Variants in MAEA observed in about 807,000 individuals in gnomAD.
MAEA encodes macrophage erythroblast attacher, E3 ubiquitin ligase, also known as E3 ubiquitin-protein transferase MAEA.
MAEA carries 22 observed loss-of-function variants against 46.2 expected under a neutral mutation model. The ratio of observed to expected loss-of-function variants is 0.48; its 90% CI spans 0.34 to 0.68. The LOEUF is 0.68. Ranked by LOEUF, MAEA falls within the 30% of genes least tolerant of loss-of-function variation. MAEA has a pLI of 0.01. For missense variants in MAEA, 393 were observed against 558.1 expected (o/e 0.70, Z 2.98); for synonymous variants, 246 against 222.6 (o/e 1.11, Z -0.94).
At chr4:1,329,713 G>C (rs1739296138) in intron 5 of MAEA, 1 of 985,858 alleles carries the variant, frequency 1.0e-6, no homozygotes, top group Non-Finnish European at 1.2e-6. Flanking sequence ...GGTGGCAGGT[G>C]GGGCATCGGC....
At chr4:1,332,971 T>C (rs1227605499) in intron 6 of MAEA, 106 bp downstream of exon 6, 8 of 722,152 alleles carry the variant, frequency 1.1e-5, no homozygotes, top group African/African-American at 3.6e-5. Flanking sequence ...GAGGGCCCCA[T>C]CCCAGCCACA....
chr4:1,338,224 G>A, intron 7 of MAEA, 198 bp from the exon 8 acceptor site: 1 of 528,784 alleles, frequency 1.9e-6, no homozygotes, highest in Non-Finnish European at 3.4e-6. Context: ...CAGGCTTCTT[G>A]TCTCCACCGA....
chr4:1,336,003 C>T (rs1350615035), intron 6 of MAEA: 4 of 48,618 alleles, frequency 8.2e-5, no homozygotes, highest in Admixed American at 4.0e-4. Context: ...CAGCACCTGC[C>T]CTGCAGTGTG....
At position 1,318,570 on chromosome 4, in the gene MAEA, G is replaced by T. The variant is rs116242258; in HGVS notation, c.456+2970G>T. Among the ~76,000 whole-genome samples, 961 of 152,288 alleles carry T rather than the reference G, an allele frequency of 6.3e-3. 12 individuals carry two copies. Among genetic ancestry groups the T allele is most frequent in the African/African-American group, 0.02 (827 of 41,550 alleles). On this transcript the variant is annotated intron_variant, in intron 3 of 8. Coordinates refer to ENST00000303400, the MANE Select transcript of MAEA (RefSeq NM_001017405.3). ...GGGCGTGTGGAGCCCATGAGGACTG[G>T]GTTGCGGGGGAGGGGTTCTTTCTGC...
chr4:1,291,136 TCTC>T (rs912975800), intron 1 of MAEA, among the ~76,000 whole-genome samples: 1 of 152,244 alleles, frequency 6.6e-6, no homozygotes, highest in African/African-American at 2.4e-5. Context: ...GAAGCAAGCT[TCTC>T]CTCCTCTTTA....
chr4:1,322,538 C>CG (rs1560368281), intron 4 of MAEA, 35 bp downstream of exon 4: 1 of 1,609,110 alleles, frequency 6.2e-7, no homozygotes, highest in Non-Finnish European at 8.5e-7. Flanking sequence ...GGGAGTGGGT[C>CG]GGGGCCGAGG....
At chr4:1,303,749 T>C (rs1217377334) in intron 1 of MAEA, among the ~76,000 whole-genome samples, 3 of 152,030 alleles carry the variant, frequency 2.0e-5, no homozygotes, top group Admixed American at 6.6e-5. Flanking sequence ...AAATTGTACA[T>C]ATTAAAGGGG....
rs570174356 is a variant in MAEA, at chr4:1,298,384, G to A, written c.69+8402G>A. On this transcript the variant is annotated intron_variant, in intron 1 of 8. Coordinates refer to ENST00000303400, the MANE Select transcript of MAEA (RefSeq NM_001017405.3). ...CACGCGCCGTCTTCTGGTTATCCAC[G>A]AAGAGGCACACGCGCCGTCTTCTGG... Among the ~76,000 whole-genome samples, 37 of 152,234 alleles carry A rather than the reference G, an allele frequency of 2.4e-4. 1 individual carries two copies. Among genetic ancestry groups the A allele is most frequent in the Non-Finnish European group, 3.8e-4 (26 of 68,014 alleles).
At chr4:1,322,987 G>T (rs952645327) in intron 4 of MAEA, among the ~76,000 whole-genome samples, 4 of 115,750 alleles carry the variant, frequency 3.5e-5, no homozygotes, top group Non-Finnish European at 6.4e-5. Flanking sequence ...ACGGAGTCTC[G>T]CTTTGTCGCC....
chr4:1,332,891 T>C (rs1712031885), intron 6 of MAEA, 26 bp downstream of exon 6: 2 of 1,563,658 alleles, frequency 1.3e-6, no homozygotes, highest in South Asian at 2.3e-5. Flanking sequence ...CTGGGGTCGG[T>C]GTCATGCTGG....
intron 5 of MAEA, chr4:1,329,899 C>T: frequency 1.0e-6 from 1 of 985,574 alleles, no homozygotes; most frequent in Non-Finnish European, 1.2e-6. Context: ...CAGGAGCTTC[C>T]CGTCCACCTC....
chr4:1,318,244 G>T (rs1269031389), intron 3 of MAEA, among the ~76,000 whole-genome samples: 1 of 152,206 alleles, frequency 6.6e-6, no homozygotes, highest in Non-Finnish European at 1.5e-5. Context: ...GGGACCCATG[G>T]GGTGTGACCA....
At chr4:1,295,622 A>G (rs1386869922) in intron 1 of MAEA, among the ~76,000 whole-genome samples, 1 of 131,472 alleles carries the variant, frequency 7.6e-6, no homozygotes. Context: ...CCCGTGGTGG[A>G]TGAGCCCCAT....
intron 1 of MAEA, chr4:1,309,675 A>T (rs1577162225): frequency 4.6e-6 from 7 of 1,531,506 alleles, no homozygotes; most frequent in Non-Finnish European, 4.4e-6. Context: ...ACTGGCAGGG[A>T]GGTGGGGTCT....
chr4:1,326,095 A>G (rs1464121641), intron 4 of MAEA, among the ~76,000 whole-genome samples: 2 of 152,164 alleles, frequency 1.3e-5, no homozygotes, highest in Non-Finnish European at 2.9e-5. Flanking sequence ...ACGCGGAGCC[A>G]CTGCTGTGGG....
At chr4:1,336,158 C>T (rs1712727985) in intron 6 of MAEA, among the ~76,000 whole-genome samples, 1 of 152,048 alleles carries the variant, frequency 6.6e-6, no homozygotes, top group East Asian at 1.9e-4. Context: ...GTTAGATCAG[C>T]ACTGGCCTTG....
At chr4:1,290,491 C>T (rs1010202075) in intron 1 of MAEA, among the ~76,000 whole-genome samples, 9 of 152,212 alleles carry the variant, frequency 5.9e-5, no homozygotes, top group Admixed American at 1.3e-4. Context: ...AAATACAGCT[C>T]TTGCCGTCCG....
intron 5 of MAEA, 156 bp from the exon 6 acceptor site, chr4:1,332,601 C>CA: frequency 1.7e-6 from 1 of 580,170 alleles, no homozygotes; most frequent in Non-Finnish European, 3.1e-6. Context: ...TCTGCGGTCT[C>CA]AGCTTCTCGG....
intron 6 of MAEA, 62 bp downstream of exon 6, chr4:1,332,927 G>A (rs1712040580): frequency 1.5e-6 from 2 of 1,291,304 alleles, no homozygotes; most frequent in East Asian, 2.6e-5. Context: ...TGTGTCTCTG[G>A]TCTGTAGCTG....
Sources: gnomAD v4.1 joint callset for allele counts (sites outside exome capture counted in the v4.1 genomes callset) on GRCh38, gnomAD v4.1.1 for gene constraint, MANE v1.5 for transcripts, NCBI Gene and HGNC (gene_info 2026-07-23, HGNC 2026-07-21) for gene names.